RNPEPL1: variants seen among roughly 807,000 people sequenced by gnomAD.
RNPEPL1 encodes arginyl aminopeptidase like 1, also known as aminopeptidase RNPEPL1.
RNPEPL1 carries 46 observed loss-of-function variants against 69.0 expected under a neutral mutation model. The observed-to-expected ratio is 0.67, with a 90% CI of 0.53 to 0.85. RNPEPL1 has a LOEUF of 0.85. RNPEPL1 is among the 40% of genes least tolerant of loss of function. The probability of loss-of-function intolerance (pLI) is 0.00; values close to 1 mark genes in which losing one functional copy is unlikely to be tolerated. For synonymous variants in RNPEPL1, 525 were observed against 454.1 expected (o/e 1.16, Z -1.98); for missense variants, 869 against 992.5 (o/e 0.88, Z 1.67).
chr2:240,576,532 T>C lies in RNPEPL1; in HGVS notation c.1511-3T>C, dbSNP rs759394600. The stretch of plus-strand genomic sequence containing the variant: ...GGACCCCAGGGTCACTTCTCCCCTC[T>C]AGGGCTGGAATTCGAGCGCTGGCTC... On this transcript the variant is annotated splice_polypyrimidine_tract_variant and splice_region_variant and intron_variant, in intron 8 of 10. Coordinates refer to ENST00000270357, the MANE Select transcript of RNPEPL1 (RefSeq NM_018226.6). 6.2e-7 allele frequency: 1 copy of C among 1,609,294 alleles called. No homozygotes were observed. The highest frequency in any genetic ancestry group is 1.1e-5 in the South Asian group (1 of 90,610).
At position 240,569,133 on chromosome 2, in the gene RNPEPL1, C is replaced by T; in HGVS notation, c.528+19C>T. ...CCCCGCCGTGAGTCCGGGGCGGGCG[C>T]CGGGGCTGCGGGCCGGTCCGCAGGG... On this transcript the variant is annotated intron_variant, in intron 1 of 10. Transcript: ENST00000270357. 2.7e-6 allele frequency: 4 copies of T among 1,463,950 alleles called. No individual in the cohort carries two copies. The highest frequency in any genetic ancestry group is 3.6e-6 in the Non-Finnish European group (4 of 1,115,130). The allele number at this position is 1,463,950 out of a possible 1,614,324, so 90.7% of individuals were successfully genotyped here. A position where few individuals can be genotyped will look rare whatever the true frequency, so the allele number is the denominator to read the frequency against.
Position 240,568,781 on chromosome 2 carries a change from G to T in RNPEPL1, c.195G>T (p.Leu65=), listed in dbSNP as rs151335116. The T allele has an allele frequency of 5.6e-6, 6 of 1,076,582 alleles. No individual in the cohort carries two copies. The African/African-American group carries it at 8.6e-5, about 15-fold the overall frequency. 66.7% of individuals were successfully genotyped at this position (1,076,582 alleles called of 1,614,324 possible). The change falls in exon 1 of 11, where the codon CTG becomes CTT. Residue 65 remains leucine, a synonymous_variant. Coordinates refer to ENST00000270357, the MANE Select transcript of RNPEPL1 (RefSeq NM_018226.6). This position sits in a 1 kb window ranked among gnomAD's most constrained non-coding sequence, Gnocchi z 6.2. ...TGGCCGGCTGCCTGGTGCTCGAGCTGTGCGCGCTGCGGCCCGCGCCCCGCG... is the reference window on the plus strand; with the variant it reads ...TGGCCGGCTGCCTGGTGCTCGAGCTTTGCGCGCTGCGGCCCGCGCCCCGCG... ...RELAGCLVLE[L]CALRPAPRAL...
chr2:240,577,597 A>G lies in RNPEPL1; in HGVS notation c.1885-2A>G. The G allele has an allele frequency of 6.4e-7, 1 of 1,558,574 alleles. No homozygotes were observed. The highest frequency in any genetic ancestry group is 8.7e-7 in the Non-Finnish European group (1 of 1,143,652). On this transcript the variant is annotated splice_acceptor_variant, in intron 10 of 10. Coordinates refer to ENST00000270357, the MANE Select transcript of RNPEPL1 (RefSeq NM_018226.6). LOFTEE classifies it high-confidence loss of function. ...CAGTGTGACCGAGTGCCCCTCCTGC[A>G]GATGTCACGCATGTACACCATCCCG...
rs766738141 is a variant in RNPEPL1, at chr2:240,573,244, G to A, written c.804G>A (p.Pro268=). ...LVALVAGDLK[P]ADIGPRSRVW... ...CCCTGGTGGCCGGAGACCTCAAGCC[G>A]GCAGACATCGGGCCCAGGTAGGGCC... Residue 268 remains proline, a synonymous_variant, in exon 3 of 11, where the codon CCG becomes CCA. Coordinates refer to ENST00000270357, the MANE Select transcript of RNPEPL1 (RefSeq NM_018226.6). The A allele has an allele frequency of 4.3e-5, 68 of 1,565,798 alleles. No individual in the cohort carries two copies. Among genetic ancestry groups the A allele is most frequent in the South Asian group, 5.9e-5 (5 of 85,318 alleles).
intron 3 of RNPEPL1, among the ~76,000 whole-genome samples, 174 bp from the exon 4 acceptor site, chr2:240,573,601 G>C (rs750207664): frequency 4.6e-5 from 7 of 152,262 alleles, no homozygotes; most frequent in Non-Finnish European, 8.8e-5. Flanking sequence ...CCTGCTGTGG[G>C]AAGGGCCAGG....
At chr2:240,574,892 C>T (rs2093033277) in intron 6 of RNPEPL1, 138 bp from the exon 7 acceptor site, 2 of 743,706 alleles carry the variant, frequency 2.7e-6, no homozygotes, top group African/African-American at 3.4e-5. Context: ...ACGCCCAGGG[C>T]ATCAGTACAC....
chr2:240,573,218 G>T lies in RNPEPL1; in HGVS notation c.778G>T (p.Ala260Ser). 1 of 1,577,168 alleles carries T rather than the reference G, an allele frequency of 6.3e-7. No individual in the cohort carries two copies. The highest frequency in any genetic ancestry group is 8.6e-7 in the Non-Finnish European group (1 of 1,161,928). The change falls in exon 3 of 11, where the codon GCC (alanine) becomes TCC (serine). Residue 260 changes from alanine to serine, a missense_variant. By Grantham distance (99) the Ala-to-Ser change is moderately conservative (BLOSUM62 1). This residue lies in a region of RNPEPL1 where 610 missense variants were observed against 790.9 expected (regional missense o/e 0.77). Transcript: ENST00000270357. ...GCACCCCGTGCCCGCCTACCTCGTG[G>T]CCCTGGTGGCCGGAGACCTCAAGCC... ...MEHPVPAYLV[A>S]LVAGDLKPAD...
In RNPEPL1 at chr2:240,574,352, C is replaced by T. The variant is rs747224616; in HGVS notation, c.1174+4C>T. The T allele has an allele frequency of 1.3e-5, 20 of 1,593,916 alleles. No individual in the cohort carries two copies. The highest frequency in any genetic ancestry group is 1.4e-5 in the Non-Finnish European group (17 of 1,174,638). ...CGTATCACCACCGAGACCTACGGTG[C>T]GGCCAGGGCCGGGGAGGGCAGCCAC... On this transcript the variant is annotated splice_donor_region_variant and intron_variant, in intron 5 of 10. Coordinates refer to ENST00000270357, the MANE Select transcript of RNPEPL1 (RefSeq NM_018226.6).
Position 240,577,870 on chromosome 2 carries a change from G to C in RNPEPL1, c.2156G>C (p.Arg719Thr), listed in dbSNP as rs1468522499. 6.4e-7 allele frequency: 1 copy of C among 1,553,506 alleles called. No homozygotes were observed. The change falls in exon 11 of 11, where the codon AGG (arginine) becomes ACG (threonine). Residue 719 changes from arginine to threonine, a missense_variant. By Grantham distance (71) the Arg-to-Thr change is moderately conservative. Transcript: ENST00000270357. Reference protein sequence around the residue: ...DEAPSSAISLRDVNVSA With the variant: ...DEAPSSAISLTDVNVSA ...GCCCCCAGCAGTGCCATCTCTCTCA[G>C]GGACGTCAATGTGTCTGCCTAGCCC...
In RNPEPL1 at chr2:240,577,905, G is replaced by A; in HGVS notation, c.*13G>A. 1 of 1,474,228 alleles carries A rather than the reference G, an allele frequency of 6.8e-7. No homozygotes were observed. The highest frequency in any genetic ancestry group is 1.4e-5 in the African/African-American group (1 of 71,288). 91.3% of individuals were successfully genotyped at this position (1,474,228 alleles called of 1,614,324 possible). A position where few individuals can be genotyped will look rare whatever the true frequency, so the allele number is the denominator to read the frequency against. ...TGTGTCTGCCTAGCCCTGTTGGCGG[G>A]CTGACCCTCGACCTCCCAGACACCA... On this transcript the variant is annotated 3_prime_UTR_variant, in exon 11 of 11. Transcript: ENST00000270357.
Position 240,577,709 on chromosome 2 carries a change from G to T in RNPEPL1, c.1995G>T (p.Leu665=). 1 of 1,612,710 alleles carries T rather than the reference G, an allele frequency of 6.2e-7. No individual in the cohort carries two copies. Among genetic ancestry groups the T allele is most frequent in the Non-Finnish European group, 8.5e-7 (1 of 1,179,756 alleles). ...CGCAGGGCCGGCTGCACCCCAACCTGCGCAGAGCCATCCAGCAGATCCTGT... is the reference window on the plus strand; with the variant it reads ...CGCAGGGCCGGCTGCACCCCAACCTTCGCAGAGCCATCCAGCAGATCCTGT... ...YQTQGRLHPN[L]RRAIQQILSQ... Residue 665 remains leucine, a synonymous_variant, in exon 11 of 11, where the codon CTG becomes CTT. Coordinates refer to ENST00000270357, the MANE Select transcript of RNPEPL1 (RefSeq NM_018226.6).
In RNPEPL1 at chr2:240,573,802, C is replaced by T; in HGVS notation, c.849C>T (p.Leu283=). Reference sequence around the variant, plus strand: ...GCCGCGTGTGGGCCGAGCCATGCCTCCTGCCCACGGCCACCAGCAAGCTGT... The same window carrying T: ...GCCGCGTGTGGGCCGAGCCATGCCTTCTGCCCACGGCCACCAGCAAGCTGT... ...PRSRVWAEPC[L]LPTATSKLSG... The change falls in exon 4 of 11, where the codon CTC becomes CTT. Residue 283 remains leucine (L), a synonymous_variant. Coordinates refer to ENST00000270357, the MANE Select transcript of RNPEPL1 (RefSeq NM_018226.6). 1 of 1,548,476 alleles carries T rather than the reference C, an allele frequency of 6.5e-7. No homozygotes were observed. The highest frequency in any genetic ancestry group is 1.8e-4 in the Middle Eastern group (1 of 5,486).
Position 240,577,637 on chromosome 2 carries a change from C to G in RNPEPL1, c.1923C>G (p.Leu641=), listed in dbSNP as rs1261326436. The change falls in exon 11 of 11, where the codon CTC becomes CTG. Residue 641 remains leucine (L), a synonymous_variant. Coordinates refer to ENST00000270357, the MANE Select transcript of RNPEPL1 (RefSeq NM_018226.6). The stretch of plus-strand genomic sequence containing the variant: ...ACACCATCCCGCTGTACGAGGACCT[C>G]TGCACCGGTGCCCTCAAGTCCTTCG... ...RMYTIPLYED[L]CTGALKSFAL... is the part of the protein sequence containing the mutation. 1.9e-6 allele frequency: 3 copies of G among 1,610,068 alleles called. No homozygotes were observed. The East Asian group carries it at 6.7e-5, about 36-fold the overall frequency.
rs1458951530 is a variant in RNPEPL1 at position 240,573,714 on chromosome 2, C to CT, written c.822-60dup. The CT allele has an allele frequency of 3.2e-5, 44 of 1,381,062 alleles. No individual in the cohort carries two copies. In the African/African-American group the frequency reaches 5.6e-4, roughly 18 times the overall value. The allele number at this position is 1,381,062 out of a possible 1,614,324, so 85.6% of individuals were successfully genotyped here. ...TGGAGCCCCAGGGCAGTGGGAGAGC[C>CT]TGGTGGGGTGAGCGGGGCTGGGGCT... is the stretch of plus-strand genomic sequence containing the variant. On this transcript the variant is annotated intron_variant, in intron 3 of 10. Transcript: ENST00000270357.
chr2:240,573,693 G>A (rs140607426), intron 3 of RNPEPL1, 82 bp from the exon 4 acceptor site: 2 of 1,192,150 alleles, frequency 1.7e-6, no homozygotes, highest in Admixed American at 5.1e-5. Context: ...TGTTACTGGA[G>A]CCCCAGGGCA....
intron 4 of RNPEPL1, 50 bp downstream of exon 4, chr2:240,573,941 G>C (rs564097496): frequency 6.6e-7 from 1 of 1,520,152 alleles, no homozygotes; most frequent in Admixed American, 1.9e-5. Flanking sequence ...AGGAGTCAGA[G>C]GGGGAGCCCC....
Position 240,573,253 on chromosome 2 carries a change from C to T in RNPEPL1, c.813C>T (p.Ile271=), listed in dbSNP as rs146828613. ...CCGGAGACCTCAAGCCGGCAGACAT[C>T]GGGCCCAGGTAGGGCCTCCTGCTGG... is the stretch of plus-strand genomic sequence containing the variant. ...LVAGDLKPAD[I]GPRSRVWAEP... is the part of the protein sequence containing the mutation. The change falls in exon 3 of 11, where the codon ATC becomes ATT. Residue 271 remains isoleucine (I), a synonymous_variant. Transcript: ENST00000270357. 2,760 of 1,562,996 alleles carry T rather than the reference C, an allele frequency of 1.8e-3. 36 individuals carry two copies. In the African/African-American group the frequency reaches 0.03, roughly 17 times the overall value.
rs1027149079 is a variant in RNPEPL1 at position 240,580,389 on chromosome 2, A to G, written c.*2497A>G. Reference sequence around the variant, plus strand: ...ATCCTGGCAGGTCGCACGTTTTATTAGCACAGCACCCCTCTCCTAGCGGCC... The same window carrying G: ...ATCCTGGCAGGTCGCACGTTTTATTGGCACAGCACCCCTCTCCTAGCGGCC... On this transcript the variant is annotated 3_prime_UTR_variant, in exon 11 of 11. Transcript: ENST00000270357. 1.3e-5 allele frequency: 2 copies of G among 152,246 alleles called. No homozygotes were observed. The highest frequency in any genetic ancestry group is 2.9e-5 in the Non-Finnish European group (2 of 68,074). 9.4% of individuals were successfully genotyped at this position (152,246 alleles called of 1,614,324 possible).
At position 240,568,485 on chromosome 2, in the gene RNPEPL1, A is replaced by T; in HGVS notation, c.-102A>T. 4.3e-6 allele frequency: 2 copies of T among 464,326 alleles called. No homozygotes were observed. Among genetic ancestry groups the T allele is most frequent in the South Asian group, 9.0e-5 (1 of 11,090 alleles). 28.8% of individuals were successfully genotyped at this position (464,326 alleles called of 1,614,324 possible). On this transcript the variant is annotated 5_prime_UTR_variant, in exon 1 of 11. Transcript: ENST00000270357. This position sits in a 1 kb window ranked among gnomAD's most constrained non-coding sequence, Gnocchi z 6.2. ...GCCGGGCCGGGCGGCTCCCGGCGCG[A>T]CTTCCTGTTGTGCCCGCGCCCCGCC...
Sources: allele counts gnomAD v4.1 joint callset (sites outside exome capture counted in the v4.1 genomes callset), GRCh38; gene constraint gnomAD v4.1.1; regional missense constraint gnomAD v4.1.1; non-coding constraint Gnocchi (gnomAD v3.1); transcripts MANE v1.5; gene names NCBI Gene and HGNC (gene_info 2026-07-23, HGNC 2026-07-21).